Variants in KIFC3 observed in about 807,000 individuals in gnomAD.
KIFC3 encodes the protein kinesin-like protein KIFC3.
KIFC3 carries 60 observed loss-of-function variants against 101.8 expected under a neutral mutation model. The observed-to-expected ratio is 0.59, with a 90% CI of 0.48 to 0.73. The LOEUF (loss-of-function observed/expected upper bound fraction) is 0.73, where lower values mean the gene tolerates loss of function less well. Ranked by LOEUF, KIFC3 falls within the 30% of genes least tolerant of loss-of-function variation. KIFC3 has a pLI of 0.00. For synonymous variants in KIFC3, 476 were observed against 482.7 expected, an observed-to-expected ratio of 0.99 and a Z score of 0.18; for missense variants, 966 against 1,137.1, an observed-to-expected ratio of 0.85 and a Z score of 2.16.
intron 1 of KIFC3, among the ~76,000 whole-genome samples, chr16:57,829,602 C>T (rs532651567): frequency 3.9e-5 from 6 of 152,266 alleles, no homozygotes; most frequent in African/African-American, 1.4e-4. Context: ...ACAAACTCAC[C>T]AAGGCAAAAG....
intron 1 of KIFC3, among the ~76,000 whole-genome samples, chr16:57,835,154 C>G (rs879965635): frequency 1.3e-5 from 2 of 152,172 alleles, no homozygotes; most frequent in Non-Finnish European, 2.9e-5. Flanking sequence ...TGCCTCTTCC[C>G]CAAAGGCACA....
intron 1 of KIFC3, among the ~76,000 whole-genome samples, chr16:57,801,586 C>T (rs1038315482): frequency 2.6e-5 from 4 of 152,200 alleles, no homozygotes; most frequent in African/African-American, 9.6e-5. Flanking sequence ...TCACCCTGTT[C>T]AGGCAGAGGA....
chr16:57,763,511 C>T (rs973419998), intron 12 of KIFC3, among the ~76,000 whole-genome samples: 2 of 152,190 alleles, frequency 1.3e-5, no homozygotes, highest in African/African-American at 4.8e-5. Flanking sequence ...ATCAATCCCA[C>T]AGCACCCCTC....
At chr16:57,790,663 CT>C (rs2053796872) in intron 3 of KIFC3, among the ~76,000 whole-genome samples, 1 of 152,196 alleles carries the variant, frequency 6.6e-6, no homozygotes, top group Non-Finnish European at 1.5e-5. Flanking sequence ...ACAGGACCGC[CT>C]CATTGAGCTT....
At chr16:57,786,180 C>T (rs1399874760) in intron 3 of KIFC3, among the ~76,000 whole-genome samples, 1 of 152,196 alleles carries the variant, frequency 6.6e-6, no homozygotes, top group Non-Finnish European at 1.5e-5. Context: ...GTGCGAGGGA[C>T]AGACAGACCA....
intron 1 of KIFC3, among the ~76,000 whole-genome samples, chr16:57,850,079 G>A (rs1243948097): frequency 1.3e-5 from 2 of 151,650 alleles, no homozygotes; most frequent in Non-Finnish European, 2.9e-5. Flanking sequence ...GGGTGACAGA[G>A]CAAGACCCTT....
rs183382428 is a variant in KIFC3, at chr16:57,858,007, G to T, written c.108+4722C>A. Among the ~76,000 whole-genome samples the T allele has an allele frequency of 4.5e-4, 68 of 151,744 alleles. 1 individual carries two copies. In the Middle Eastern group the frequency reaches 0.014, roughly 30 times the overall value. ...TAATTTTTGTATTTTTAGTAGAGAT[G>T]GAGTTTCACCACGTTGGCCAGGCTG... On this transcript the variant is annotated intron_variant, in intron 1 of 2. Coordinates refer to the KIFC3 transcript ENST00000563028.
intron 3 of KIFC3, among the ~76,000 whole-genome samples, chr16:57,773,375 ACG>A (rs1278725519): frequency 6.6e-6 from 1 of 152,170 alleles, no homozygotes; most frequent in East Asian, 1.9e-4. Context: ...GGCGGCCACC[ACG>A]TACTCTCCTC....
At chr16:57,806,166 T>TAA (rs2054930399), upstream of KIFC3, among the ~76,000 whole-genome samples, 1 of 152,238 alleles carries the variant, frequency 6.6e-6, no homozygotes, top group African/African-American at 2.4e-5. Context: ...AGATTGTGTT[T>TAA]AATCTGATTC....
In KIFC3 at chr16:57,802,226, G is replaced by A. The variant is rs963357136; in HGVS notation, c.-40+144C>T. ...GGGACCTCGCAGGGCTGGGTCTCCC[G>A]GGCCTTTCCCTCCCCGCGCCCATAG... On this transcript the variant is annotated intron_variant, in intron 1 of 19. Transcript: ENST00000445690. This position sits in a 1 kb window ranked among gnomAD's most constrained non-coding sequence, Gnocchi z 5.0. 1.7e-5 allele frequency: 5 copies of A among 302,090 alleles called. No homozygotes were observed. The highest frequency in any genetic ancestry group is 2.4e-5 in the Non-Finnish European group (5 of 205,068). The allele number at this position is 302,090 out of a possible 1,614,324, so 18.7% of individuals were successfully genotyped here.
intron 1 of KIFC3, among the ~76,000 whole-genome samples, chr16:57,855,945 C>CAA (rs34278624): frequency 2.4e-5 from 3 of 123,360 alleles, no homozygotes; most frequent in Admixed American, 8.2e-5. Context: ...GACTCCATCT[C>CAA]AAAAAAAAAA....
chr16:57,798,897 T>C (rs1342516326), intron 1 of KIFC3, among the ~76,000 whole-genome samples: 1 of 152,190 alleles, frequency 6.6e-6, no homozygotes, highest in African/African-American at 2.4e-5. Context: ...CGTATGGGTG[T>C]TGAGATACAA....
At chr16:57,795,165 T>G in intron 2 of KIFC3, 24 bp from the exon 3 acceptor site, 1 of 1,600,962 alleles carries the variant, frequency 6.2e-7, no homozygotes, top group South Asian at 1.1e-5. Flanking sequence ...GAGAGATAGG[T>G]GAGACACTCC....
intron 2 of KIFC3, among the ~76,000 whole-genome samples, chr16:57,796,213 TCA>T (rs1320504528): frequency 3.9e-5 from 6 of 152,160 alleles, no homozygotes; most frequent in Non-Finnish European, 7.4e-5. Context: ...TTCTTGGTCC[TCA>T]GTTTGCTTGT....
At chr16:57,808,893 C>T (rs1335496316) in intron 1 of KIFC3, among the ~76,000 whole-genome samples, 4 of 152,236 alleles carry the variant, frequency 2.6e-5, no homozygotes, top group African/African-American at 9.7e-5. Flanking sequence ...ATAGCACCCT[C>T]AGCCCAGCAT....
intron 1 of KIFC3, among the ~76,000 whole-genome samples, chr16:57,856,967 G>C (rs2056183269): frequency 6.6e-6 from 1 of 152,164 alleles, no homozygotes; most frequent in African/African-American, 2.4e-5. Context: ...ATTTCAAGAA[G>C]ATATAACACC....
chr16:57,789,768 A>G (rs1201608770), intron 3 of KIFC3, among the ~76,000 whole-genome samples: 1 of 151,770 alleles, frequency 6.6e-6, no homozygotes, highest in Non-Finnish European at 1.5e-5. Flanking sequence ...ATAGAGTCTC[A>G]CTCTGTTGCC....
intron 1 of KIFC3, among the ~76,000 whole-genome samples, chr16:57,828,198 C>T (rs1161424039): frequency 1.3e-5 from 2 of 152,244 alleles, no homozygotes; most frequent in African/African-American, 4.8e-5. Context: ...GAGGGAGCCC[C>T]TGCCTGTACA....
chr16:57,795,832 G>A (rs543197242), intron 2 of KIFC3, among the ~76,000 whole-genome samples: 1 of 152,040 alleles, frequency 6.6e-6, no homozygotes, highest in African/African-American at 2.4e-5. Context: ...GCCAGCCACT[G>A]GGCCAAGTGC....
Sources: allele counts gnomAD v4.1 joint callset (sites outside exome capture counted in the v4.1 genomes callset), GRCh38; gene constraint gnomAD v4.1.1; non-coding constraint Gnocchi (gnomAD v3.1); transcripts MANE v1.5; gene names NCBI Gene and HGNC (gene_info 2026-07-23, HGNC 2026-07-21).